SLC35F1: variants seen among roughly 807,000 people sequenced by gnomAD.
SLC35F1 encodes solute carrier family 35 member F1, also known as chromosome 6 open reading frame 169.
Under a neutral mutation model 48.7 loss-of-function variants are expected in SLC35F1, and 14 were observed. The ratio of observed to expected loss-of-function variants is 0.29; its 90% CI spans 0.19 to 0.45. The LOEUF (loss-of-function observed/expected upper bound fraction) is 0.45. SLC35F1 is among the 20% of genes least tolerant of loss of function. The pLI, the probability that SLC35F1 is intolerant of heterozygous loss-of-function variation, is 1.00. For missense variants in SLC35F1, 404 were observed against 500.0 expected, an observed-to-expected ratio of 0.81 and a Z score of 1.83; for synonymous variants, 190 against 202.2, an observed-to-expected ratio of 0.94 and a Z score of 0.51.
At chr6:118,079,490 C>T (rs1772873870) in intron 1 of SLC35F1, among the ~76,000 whole-genome samples, 2 of 152,072 alleles carry the variant, frequency 1.3e-5, no homozygotes, top group African/African-American at 4.8e-5. Flanking sequence ...CTGCTTGAGT[C>T]CCTGCTTTCA....
At chr6:118,020,011 T>A (rs1405084122) in intron 1 of SLC35F1, among the ~76,000 whole-genome samples, 2 of 152,252 alleles carry the variant, frequency 1.3e-5, no homozygotes, top group African/African-American at 4.8e-5. Context: ...ACAGTGGTGA[T>A]ACTCTTCAGA....
chr6:118,079,745 G>A (rs1772877334), intron 1 of SLC35F1, among the ~76,000 whole-genome samples: 1 of 152,072 alleles, frequency 6.6e-6, no homozygotes, highest in Non-Finnish European at 1.5e-5. Flanking sequence ...CTGTTCTGTG[G>A]ACAAATGAAA....
chr6:118,025,282 T>C (rs373627495), intron 1 of SLC35F1, among the ~76,000 whole-genome samples: 2 of 152,314 alleles, frequency 1.3e-5, no homozygotes. Context: ...AGATATTTTG[T>C]AGAAGGTCTC....
intron 1 of SLC35F1, among the ~76,000 whole-genome samples, chr6:118,010,661 T>C (rs556700925): frequency 6.6e-6 from 1 of 152,244 alleles, no homozygotes; most frequent in East Asian, 1.9e-4. Flanking sequence ...ATGTATGTTA[T>C]GCTTCAGTGC....
At chr6:118,014,573 A>G (rs1004884703) in intron 1 of SLC35F1, among the ~76,000 whole-genome samples, 2 of 152,154 alleles carry the variant, frequency 1.3e-5, no homozygotes, top group Non-Finnish European at 2.9e-5. Flanking sequence ...TTGTAATCAG[A>G]TATCTTCTTG....
chr6:117,990,189 C>T (rs1305307329), intron 1 of SLC35F1, among the ~76,000 whole-genome samples: 2 of 152,114 alleles, frequency 1.3e-5, no homozygotes, highest in Admixed American at 6.5e-5. Flanking sequence ...ATCCTTCATT[C>T]CAGTGTACTT....
At chr6:118,114,978 A>G (rs907298271) in intron 1 of SLC35F1, among the ~76,000 whole-genome samples, 2 of 152,192 alleles carry the variant, frequency 1.3e-5, no homozygotes, top group Admixed American at 6.6e-5. Flanking sequence ...CATCTAGGAT[A>G]TCATTGCTTC....
At chr6:118,237,599 A>T (rs1287224813) in intron 3 of SLC35F1, among the ~76,000 whole-genome samples, 6 of 152,154 alleles carry the variant, frequency 3.9e-5, no homozygotes, top group Non-Finnish European at 8.8e-5. Flanking sequence ...CATGTTGCCC[A>T]GGCTGGTCTT....
rs145508458 is a variant in SLC35F1, at chr6:118,265,926, G to A, written c.478-1069G>A. Among the ~76,000 whole-genome samples the A allele has an allele frequency of 1.8e-4, 28 of 152,326 alleles. 1 individual carries two copies. The East Asian group carries it at 5.4e-3, about 29-fold the overall frequency. On this transcript the variant is annotated intron_variant, in intron 3 of 7. Coordinates refer to ENST00000360388, the MANE Select transcript of SLC35F1 (RefSeq NM_001029858.4). The stretch of plus-strand genomic sequence containing the variant: ...TAAGAAAGACCCTGTCTTGGATAGT[G>A]TATCCAGAGGTCTTACCACAGTGTG...
chr6:117,938,458 C>CA (rs1207989956), intron 1 of SLC35F1, among the ~76,000 whole-genome samples: 1 of 152,226 alleles, frequency 6.6e-6, no homozygotes, highest in African/African-American at 2.4e-5. Flanking sequence ...ACACACCTCA[C>CA]AAGCCAGTCA....
intron 1 of SLC35F1, among the ~76,000 whole-genome samples, chr6:118,023,209 G>C (rs62431179): frequency 0.056 from 8,535 of 152,190 alleles, 461 homozygotes; most frequent in African/African-American, 0.14. Flanking sequence ...ATCAAAGTAA[G>C]GTATCTTAAA....
At chr6:118,024,800 A>G (rs1582625157) in intron 1 of SLC35F1, among the ~76,000 whole-genome samples, 1 of 152,096 alleles carries the variant, frequency 6.6e-6, no homozygotes. Flanking sequence ...TTCATCTGCA[A>G]CTCTTACCCT....
intron 1 of SLC35F1, among the ~76,000 whole-genome samples, chr6:117,953,505 T>C (rs2114829241): frequency 6.6e-6 from 1 of 152,258 alleles, no homozygotes; most frequent in Non-Finnish European, 1.5e-5. Context: ...GACAGTAATA[T>C]GGAAAATCTT....
intron 1 of SLC35F1, among the ~76,000 whole-genome samples, chr6:117,980,980 G>T (rs1228466347): frequency 1.3e-5 from 2 of 152,202 alleles, no homozygotes; most frequent in Admixed American, 1.3e-4. Flanking sequence ...CCCTCAAAAT[G>T]TAGGAATACC....
intron 1 of SLC35F1, among the ~76,000 whole-genome samples, chr6:118,135,974 T>A (rs1265007515): frequency 6.6e-6 from 1 of 152,196 alleles, no homozygotes. Context: ...CTCCATGCAC[T>A]GGGCCTGCGA....
chr6:118,312,361 A>T (rs1488832708), intron 7 of SLC35F1, among the ~76,000 whole-genome samples: 1 of 152,224 alleles, frequency 6.6e-6, no homozygotes, highest in Non-Finnish European at 1.5e-5. Context: ...GTTTGAGTGT[A>T]AATAGGTTTT....
rs537816411 is a variant in SLC35F1 at position 118,060,682 on chromosome 6, A to G, written c.174-93763A>G. ...AATGAACGAATCATTAAAAAACTAA[A>G]TTTTTCTGAAATAGGACACAACTCT... On this transcript the variant is annotated intron_variant, in intron 1 of 7. Coordinates refer to ENST00000360388, the MANE Select transcript of SLC35F1 (RefSeq NM_001029858.4). 2.0e-5 allele frequency among the ~76,000 whole-genome samples: 3 copies of G among 152,268 alleles called. No individual in the cohort carries two copies. The South Asian group carries it at 6.2e-4, about 32-fold the overall frequency.
intron 1 of SLC35F1, among the ~76,000 whole-genome samples, chr6:118,043,583 T>A (rs1179676697): frequency 6.6e-6 from 1 of 152,192 alleles, no homozygotes; most frequent in Non-Finnish European, 1.5e-5. Flanking sequence ...ATAGTAAAAG[T>A]TCAATACATA....
intron 1 of SLC35F1, among the ~76,000 whole-genome samples, chr6:118,154,080 G>T (rs559537870): frequency 6.6e-6 from 1 of 152,236 alleles, no homozygotes; most frequent in African/African-American, 2.4e-5. Flanking sequence ...TTTCATTAAT[G>T]CTATGGTGAG....
Sources: allele counts gnomAD v4.1 joint callset (sites outside exome capture counted in the v4.1 genomes callset), GRCh38; gene constraint gnomAD v4.1.1; transcripts MANE v1.5; gene names NCBI Gene and HGNC (gene_info 2026-07-23, HGNC 2026-07-21).